Variants in PAPPA2 observed in about 807,000 individuals in gnomAD.
PAPPA2 encodes the protein pappalysin-2.
A neutral mutation model predicts 176.4 loss-of-function variants in PAPPA2; 86 were observed. The observed-to-expected ratio is 0.49, with a 90% confidence interval of 0.41 to 0.58. The LOEUF is 0.58. PAPPA2 is among the 20% of genes least tolerant of loss of function. The pLI is 0.00. For synonymous variants in PAPPA2, 809 were observed against 852.2 expected (o/e 0.95, Z 0.88); for missense variants, 2,073 against 2,256.9 (o/e 0.92, Z 1.65).
At chr1:176,485,328 T>G (rs1358615928) in intron 1 of PAPPA2, among the ~76,000 whole-genome samples, 2 of 152,150 alleles carry the variant, frequency 1.3e-5, no homozygotes, top group African/African-American at 2.4e-5. Flanking sequence ...GATCTCATCT[T>G]TTTTCTTCTG....
chr1:176,535,706 C>T (rs953114716), intron 1 of PAPPA2, among the ~76,000 whole-genome samples: 2 of 152,196 alleles, frequency 1.3e-5, no homozygotes, highest in Non-Finnish European at 2.9e-5. Context: ...ATATCACATA[C>T]TAGCCATGTG....
intron 21 of PAPPA2, among the ~76,000 whole-genome samples, chr1:176,837,502 G>A: frequency 1.3e-5 from 2 of 148,510 alleles, no homozygotes; most frequent in Non-Finnish European, 3.0e-5. Flanking sequence ...AAAAAAAACG[G>A]GTGTTTTATA....
intron 3 of PAPPA2, among the ~76,000 whole-genome samples, chr1:176,609,507 A>T (rs1329714846): frequency 6.6e-6 from 1 of 152,204 alleles, no homozygotes; most frequent in Non-Finnish European, 1.5e-5. Flanking sequence ...ATCCATAGAA[A>T]GTCTTACTGA....
chr1:176,703,632 C>G (rs1212889257), intron 9 of PAPPA2, among the ~76,000 whole-genome samples: 3 of 152,218 alleles, frequency 2.0e-5, no homozygotes, highest in Admixed American at 6.5e-5. Flanking sequence ...GGAATCAATT[C>G]TGTAGGCTTG....
Position 176,739,772 on chromosome 1 carries a change from C to T in PAPPA2, c.3934+11C>T, listed in dbSNP as rs759738038. On this transcript the variant is annotated intron_variant, in intron 13 of 22. Coordinates refer to ENST00000367662, the MANE Select transcript of PAPPA2 (RefSeq NM_020318.3). The stretch of plus-strand genomic sequence containing the variant: ...GCAACCACTCTCTTGGTGAGTCTGA[C>T]AAATATCCCTTTAGGGTCACTAGAG... The T allele has an allele frequency of 2.5e-6, 4 of 1,612,906 alleles. No homozygotes were observed. The highest frequency in any genetic ancestry group is 2.7e-5 in the African/African-American group (2 of 74,862).
In PAPPA2 at chr1:176,833,433, G is replaced by A. The variant is rs1416741290; in HGVS notation, c.5203-6740G>A. 1.4e-4 allele frequency among the ~76,000 whole-genome samples: 22 copies of A among 152,134 alleles called. 1 individual carries two copies. The highest frequency in any genetic ancestry group is 1.4e-3 in the Admixed American group (22 of 15,272). ...ATAAAAACTCCCTACCTTACAAAGGGCCAAGACCTAGGCCCTTATTCCAGA... is the reference window on the plus strand; with the variant it reads ...ATAAAAACTCCCTACCTTACAAAGGACCAAGACCTAGGCCCTTATTCCAGA... On this transcript the variant is annotated intron_variant, in intron 21 of 22. Transcript: ENST00000367662.
intron 3 of PAPPA2, among the ~76,000 whole-genome samples, chr1:176,625,816 T>A (rs1655974151): frequency 1.3e-5 from 2 of 151,898 alleles, no homozygotes; most frequent in African/African-American, 4.8e-5. Flanking sequence ...AGGCCAGGAG[T>A]TTAACATCAG....
rs1246790226 is a variant in PAPPA2 at position 176,661,002 on chromosome 1, A to G, written c.1992-9968A>G. Among the ~76,000 whole-genome samples, 6 of 152,214 alleles carry G rather than the reference A, an allele frequency of 3.9e-5. No homozygotes were observed. The East Asian group carries it at 5.8e-4, about 15-fold the overall frequency. On this transcript the variant is annotated intron_variant, in intron 3 of 22. Coordinates refer to ENST00000367662, the MANE Select transcript of PAPPA2 (RefSeq NM_020318.3). ...TGCAAAGATTGGAATTATTTGTTAC[A>G]TAAACACCAAAACAGGTCTTTTTGG...
chr1:176,623,673 C>CTT (rs1179000575), intron 3 of PAPPA2, among the ~76,000 whole-genome samples: 6 of 113,442 alleles, frequency 5.3e-5, no homozygotes, highest in East Asian at 4.6e-4. Flanking sequence ...CTTTCTTTTT[C>CTT]TTTCTTTCTT....
intron 1 of PAPPA2, among the ~76,000 whole-genome samples, chr1:176,535,140 A>G (rs997538230): frequency 2.5e-4 from 38 of 152,202 alleles, no homozygotes; most frequent in African/African-American, 8.2e-4. Context: ...GGTAAAGGAT[A>G]AAAGAATAAA....
chr1:176,550,809 C>T (rs1469668040), intron 1 of PAPPA2, among the ~76,000 whole-genome samples: 2 of 152,102 alleles, frequency 1.3e-5, no homozygotes, highest in Non-Finnish European at 2.9e-5. Flanking sequence ...AGGGTGAAAT[C>T]CAGATTTGCA....
chr1:176,779,519 C>CACACAGAG (rs1451138087), intron 17 of PAPPA2, among the ~76,000 whole-genome samples: 3 of 102,642 alleles, frequency 2.9e-5, no homozygotes, highest in African/African-American at 1.0e-4. Context: ...CACACACACA[C>CACACAGAG]AGAGAGAGAG....
At chr1:176,793,817 A>G in intron 20 of PAPPA2, 148 bp downstream of exon 20, 1 of 592,258 alleles carries the variant, frequency 1.7e-6, no homozygotes, top group Non-Finnish European at 2.8e-6. Context: ...AGGATTAAAC[A>G]TTGAAAAGAA....
At chr1:176,757,294 A>G (rs1663475456) in intron 14 of PAPPA2, among the ~76,000 whole-genome samples, 1 of 152,198 alleles carries the variant, frequency 6.6e-6, no homozygotes, top group African/African-American at 2.4e-5. Flanking sequence ...TGTCTTCCAC[A>G]ATGGTTAAAC....
At chr1:176,636,045 G>GA (rs66889876) in intron 3 of PAPPA2, among the ~76,000 whole-genome samples, 9,947 of 152,042 alleles carry the variant, frequency 0.065, 356 homozygotes, top group South Asian at 0.14. Flanking sequence ...TAAATAACAT[G>GA]AAACAGCTAT....
intron 14 of PAPPA2, among the ~76,000 whole-genome samples, chr1:176,756,572 A>C (rs895160475): frequency 2.6e-5 from 4 of 152,332 alleles, no homozygotes; most frequent in Admixed American, 2.6e-4. Context: ...TTGGTATTCC[A>C]GAGATTTTAT....
intron 21 of PAPPA2, among the ~76,000 whole-genome samples, chr1:176,837,164 A>G (rs1055291065): frequency 3.9e-5 from 6 of 152,156 alleles, no homozygotes; most frequent in Non-Finnish European, 5.9e-5. Context: ...TTATTTGTCC[A>G]TTTCATCTGC....
At chr1:176,635,065 A>G (rs1656617951) in intron 3 of PAPPA2, among the ~76,000 whole-genome samples, 1 of 152,136 alleles carries the variant, frequency 6.6e-6, no homozygotes, top group African/African-American at 2.4e-5. Flanking sequence ...AAATAACTAC[A>G]TGTTAGAAGC....
intron 3 of PAPPA2, among the ~76,000 whole-genome samples, chr1:176,663,505 A>G (rs939265007): frequency 2.0e-5 from 3 of 152,150 alleles, no homozygotes; most frequent in Non-Finnish European, 4.4e-5. Context: ...TTTATGTGTG[A>G]CACTATAAAG....
Sources: allele counts gnomAD v4.1 joint callset (sites outside exome capture counted in the v4.1 genomes callset), GRCh38; gene constraint gnomAD v4.1.1; transcripts MANE v1.5; gene names NCBI Gene and HGNC (gene_info 2026-07-23, HGNC 2026-07-21).